Variants in OPCML observed in about 807,000 individuals in gnomAD.
The protein encoded by OPCML is opioid-binding protein/cell adhesion molecule.
OPCML carries 13 observed loss-of-function variants against 37.8 expected under a neutral mutation model. The ratio of observed to expected loss-of-function variants is 0.34; its 90% CI spans 0.22 to 0.55. OPCML has a LOEUF of 0.55. Among genes scored for constraint, OPCML ranks in the 20% least tolerant of loss-of-function variants. OPCML has a pLI of 0.91. For missense variants in OPCML, 341 were observed against 435.6 expected, an observed-to-expected ratio of 0.78 and a Z score of 1.93; for synonymous variants, 176 against 168.8, an observed-to-expected ratio of 1.04 and a Z score of -0.33.
intron 2 of OPCML, among the ~76,000 whole-genome samples, chr11:132,807,557 T>C (rs902178594): frequency 1.3e-5 from 2 of 152,208 alleles, no homozygotes; most frequent in African/African-American, 4.8e-5. Context: ...CACATACTGG[T>C]TCTGAATGGG....
chr11:132,981,702 G>A (rs1165307084), intron 1 of OPCML, among the ~76,000 whole-genome samples: 1 of 152,166 alleles, frequency 6.6e-6, no homozygotes, highest in Non-Finnish European at 1.5e-5. Flanking sequence ...GGTGATCTTA[G>A]ACTCAGCTTA....
intron 2 of OPCML, among the ~76,000 whole-genome samples, chr11:132,870,524 C>G (rs1192971798): frequency 1.3e-5 from 2 of 152,048 alleles, no homozygotes; most frequent in African/African-American, 4.8e-5. Context: ...TGGCGCCACC[C>G]TATGATCCAG....
intron 1 of OPCML, among the ~76,000 whole-genome samples, chr11:133,396,843 T>A (rs1405259099): frequency 6.6e-6 from 1 of 152,108 alleles, no homozygotes; most frequent in East Asian, 1.9e-4. Context: ...TGATTTCCCA[T>A]CCAAAAAGTG....
intron 2 of OPCML, chr11:132,772,800 G>A (rs1054400119): frequency 6.6e-6 from 1 of 152,168 alleles, no homozygotes; most frequent in Non-Finnish European, 1.5e-5. Flanking sequence ...GCCCCCGAGG[G>A]ATCTTTTCCA....
At chr11:132,470,769 C>T (rs2096135757) in intron 4 of OPCML, among the ~76,000 whole-genome samples, 1 of 152,122 alleles carries the variant, frequency 6.6e-6, no homozygotes, top group African/African-American at 2.4e-5. Context: ...GGATTGAAAC[C>T]CAGATTGTCT....
chr11:132,728,100 A>T (rs948695302), intron 2 of OPCML, among the ~76,000 whole-genome samples: 1 of 152,260 alleles, frequency 6.6e-6, no homozygotes, highest in Non-Finnish European at 1.5e-5. Context: ...GTGAAAGACG[A>T]AAACGTGTGC....
At chr11:132,609,067 A>G (rs1031729347) in intron 3 of OPCML, among the ~76,000 whole-genome samples, 2 of 151,532 alleles carry the variant, frequency 1.3e-5, no homozygotes, top group African/African-American at 4.9e-5. Context: ...TGTGAGAGTG[A>G]CTTTTTTAAT....
rs117514809 is a variant in OPCML, at chr11:133,056,650, T to C, written c.62-113640A>G. Reference sequence around the variant, plus strand: ...ATCTATGATGTTATTACCTGATTAATTCAGCCTGATTCTAATCACATTTAA... The same window carrying C: ...ATCTATGATGTTATTACCTGATTAACTCAGCCTGATTCTAATCACATTTAA... On this transcript the variant is annotated intron_variant, in intron 1 of 7. Coordinates refer to ENST00000524381, the MANE Select transcript of OPCML (RefSeq NM_001012393.5). Among the ~76,000 whole-genome samples, 135 of 152,342 alleles carry C rather than the reference T, an allele frequency of 8.9e-4. 3 individuals are homozygous for C. In the East Asian group the frequency reaches 0.025, roughly 28 times the overall value.
chr11:133,151,990 A>T (rs1161805713), intron 1 of OPCML, among the ~76,000 whole-genome samples: 1 of 152,212 alleles, frequency 6.6e-6, no homozygotes, highest in Non-Finnish European at 1.5e-5. Flanking sequence ...TTTTGTATGA[A>T]GAACAATGAC....
chr11:132,711,483 C>T (rs1036579507), intron 2 of OPCML, among the ~76,000 whole-genome samples: 2 of 152,160 alleles, frequency 1.3e-5, no homozygotes, highest in African/African-American at 2.4e-5. Context: ...GATTTTGATT[C>T]TCACACTTGC....
intron 1 of OPCML, among the ~76,000 whole-genome samples, chr11:132,999,937 T>C (rs1946965940): frequency 6.6e-6 from 1 of 152,236 alleles, no homozygotes; most frequent in Non-Finnish European, 1.5e-5. Context: ...TCAGGAAGCC[T>C]GCTTGCACTC....
chr11:132,992,711 T>A lies in OPCML; in HGVS notation c.62-49701A>T, dbSNP rs576922400. On this transcript the variant is annotated intron_variant, in intron 1 of 7. Transcript: ENST00000524381. ...GGTGCTAGAGGAAACGTGGAGGTTA[T>A]GATTAAAGGGCAAAAATGACAAATT... is the stretch of plus-strand genomic sequence containing the variant. 2.6e-5 allele frequency among the ~76,000 whole-genome samples: 4 copies of A among 152,276 alleles called. No homozygotes were observed. The East Asian group carries it at 7.7e-4, about 29-fold the overall frequency.
chr11:132,594,927 C>T (rs1270325426), intron 3 of OPCML, among the ~76,000 whole-genome samples: 1 of 152,126 alleles, frequency 6.6e-6, no homozygotes, highest in Admixed American at 6.6e-5. Context: ...TTCCCAACCC[C>T]GAGTTCAAGG....
At chr11:132,972,572 G>A (rs1450988399) in intron 1 of OPCML, among the ~76,000 whole-genome samples, 1 of 152,250 alleles carries the variant, frequency 6.6e-6, no homozygotes, top group Non-Finnish European at 1.5e-5. Flanking sequence ...ATGTTAAGCA[G>A]CTGTTGCAAC....
At chr11:133,133,299 GT>G (rs1949633618) in intron 1 of OPCML, among the ~76,000 whole-genome samples, 1 of 152,156 alleles carries the variant, frequency 6.6e-6, no homozygotes, top group South Asian at 2.1e-4. Flanking sequence ...GAGATAATTG[GT>G]TTCTAACTCT....
intron 1 of OPCML, among the ~76,000 whole-genome samples, chr11:133,470,078 T>C (rs1050814381): frequency 6.6e-5 from 10 of 152,186 alleles, no homozygotes; most frequent in Non-Finnish European, 1.3e-4. Flanking sequence ...TTATTCTACC[T>C]TCCCTGCAAT....
chr11:133,165,777 T>C (rs1349115362), intron 1 of OPCML, among the ~76,000 whole-genome samples: 1 of 152,132 alleles, frequency 6.6e-6, no homozygotes, highest in Non-Finnish European at 1.5e-5. Context: ...TGGTCTATTC[T>C]TGAAGCTCAC....
At chr11:133,521,396 T>C (rs1277227740) in intron 1 of OPCML, among the ~76,000 whole-genome samples, 1 of 152,060 alleles carries the variant, frequency 6.6e-6, no homozygotes, top group Non-Finnish European at 1.5e-5. Flanking sequence ...GCTTTAAAAA[T>C]AAGTAATTTC....
At chr11:133,105,202 A>G (rs1046700649) in intron 1 of OPCML, among the ~76,000 whole-genome samples, 3 of 152,194 alleles carry the variant, frequency 2.0e-5, no homozygotes, top group Admixed American at 2.0e-4. Flanking sequence ...ACAGGGGTAA[A>G]TGCATATCTG....
Sources: allele counts gnomAD v4.1 joint callset (sites outside exome capture counted in the v4.1 genomes callset), GRCh38; gene constraint gnomAD v4.1.1; transcripts MANE v1.5; gene names NCBI Gene and HGNC (gene_info 2026-07-23, HGNC 2026-07-21).